NETO1: variants seen among roughly 807,000 people sequenced by gnomAD.
The protein encoded by NETO1 is neuropilin and tolloid-like protein 1.
Under a neutral mutation model 61.3 loss-of-function variants are expected in NETO1, and 26 were observed. The ratio of observed to expected loss-of-function variants is 0.42; its 90% CI spans 0.31 to 0.59. The LOEUF (loss-of-function observed/expected upper bound fraction) is 0.59, where lower values mean the gene tolerates loss of function less well. Ranked by LOEUF, NETO1 falls within the 20% of genes least tolerant of loss-of-function variation. NETO1 has a pLI of 0.12. For synonymous variants in NETO1, 225 were observed against 225.8 expected, an observed-to-expected ratio of 1.00 and a Z score of 0.03; for missense variants, 531 against 662.8, an observed-to-expected ratio of 0.80 and a Z score of 2.18.
At chr18:72,805,691 A>G (rs1416334037) in intron 4 of NETO1, among the ~76,000 whole-genome samples, 1 of 152,160 alleles carries the variant, frequency 6.6e-6, no homozygotes, top group Non-Finnish European at 1.5e-5. Context: ...GTCACATTCT[A>G]TTTGAATTCA....
At chr18:72,847,744 A>C (rs1361705419) in intron 4 of NETO1, among the ~76,000 whole-genome samples, 1 of 152,234 alleles carries the variant, frequency 6.6e-6, no homozygotes, top group Admixed American at 6.5e-5. Context: ...TTTGGAACGA[A>C]GGTATTTTCA....
intron 4 of NETO1, among the ~76,000 whole-genome samples, chr18:72,841,419 G>A (rs1314317376): frequency 3.7e-4 from 4 of 10,826 alleles, no homozygotes; most frequent in Non-Finnish European, 6.0e-4. Flanking sequence ...ACGAGCAATT[G>A]GCAGAGAAAT....
intron 6 of NETO1, among the ~76,000 whole-genome samples, chr18:72,787,088 C>T (rs2071946506): frequency 1.4e-5 from 2 of 148,078 alleles, no homozygotes. Context: ...CTTTTGTTTA[C>T]TTTTTTGACT....
intron 3 of NETO1, among the ~76,000 whole-genome samples, chr18:72,860,265 T>C (rs779401904): frequency 6.6e-6 from 1 of 152,218 alleles, no homozygotes; most frequent in Non-Finnish European, 1.5e-5. Flanking sequence ...TAAGCCCCTG[T>C]AGACACTTGA....
At chr18:72,808,946 T>C (rs1189850380) in intron 4 of NETO1, among the ~76,000 whole-genome samples, 1 of 152,234 alleles carries the variant, frequency 6.6e-6, no homozygotes, top group Non-Finnish European at 1.5e-5. Context: ...CACGGGTGCA[T>C]GCATGAGGCA....
At chr18:72,772,203 G>C (rs1338548105) in intron 7 of NETO1, among the ~76,000 whole-genome samples, 3 of 152,064 alleles carry the variant, frequency 2.0e-5, no homozygotes, top group Non-Finnish European at 4.4e-5. Flanking sequence ...CAGGTGGAGT[G>C]TTCACTACAG....
intron 6 of NETO1, among the ~76,000 whole-genome samples, chr18:72,786,520 A>G (rs1598993791): frequency 1.3e-5 from 2 of 152,174 alleles, no homozygotes; most frequent in East Asian, 3.9e-4. Flanking sequence ...AAAATTTCCA[A>G]ATACTTTGAT....
At chr18:72,829,834 T>A (rs979589141) in intron 4 of NETO1, among the ~76,000 whole-genome samples, 9 of 152,172 alleles carry the variant, frequency 5.9e-5, no homozygotes, top group African/African-American at 1.9e-4. Flanking sequence ...TGTTCTGTCA[T>A]ATCAGTGCAT....
intron 7 of NETO1, among the ~76,000 whole-genome samples, chr18:72,772,805 C>A (rs534963738): frequency 1.4e-4 from 7 of 50,270 alleles, no homozygotes; most frequent in Non-Finnish European, 2.3e-4. Context: ...CTCTCTCTCT[C>A]TCTCTCTCTC....
At chr18:72,798,751 A>G (rs1018245459) in intron 4 of NETO1, among the ~76,000 whole-genome samples, 4 of 152,328 alleles carry the variant, frequency 2.6e-5, no homozygotes, top group African/African-American at 9.6e-5. Context: ...TAAAGACCCA[A>G]TGATGAGACA....
chr18:72,778,115 G>A (rs1159742531), intron 7 of NETO1, among the ~76,000 whole-genome samples: 1 of 152,184 alleles, frequency 6.6e-6, no homozygotes, highest in Non-Finnish European at 1.5e-5. Flanking sequence ...TTTGAGATAC[G>A]AGGTAGTGGT....
At chr18:72,812,070 T>C (rs1046441228) in intron 4 of NETO1, among the ~76,000 whole-genome samples, 1 of 152,174 alleles carries the variant, frequency 6.6e-6, no homozygotes, top group Non-Finnish European at 1.5e-5. Flanking sequence ...ACATCTTCAT[T>C]GAGGAACAAC....
chr18:72,749,575 T>C (rs2070523240), intron 9 of NETO1, among the ~76,000 whole-genome samples: 1 of 152,130 alleles, frequency 6.6e-6, no homozygotes. Context: ...TATTTTTGTG[T>C]TCCTACCAAA....
At chr18:72,851,986 G>C (rs67268571) in intron 4 of NETO1, among the ~76,000 whole-genome samples, 17,895 of 152,034 alleles carry the variant, frequency 0.12, 1,488 homozygotes, top group African/African-American at 0.23. Context: ...TAAGTAGAAA[G>C]GTTGAAGGAA....
At chr18:72,821,096 T>C (rs1383077626) in intron 4 of NETO1, among the ~76,000 whole-genome samples, 3 of 151,978 alleles carry the variant, frequency 2.0e-5, no homozygotes, top group Non-Finnish European at 4.4e-5. Context: ...ATCTCTTGCC[T>C]GGGAAACAGC....
chr18:72,793,975 T>A, intron 6 of NETO1, 142 bp downstream of exon 6: 1 of 1,022,962 alleles, frequency 9.8e-7, no homozygotes, highest in Non-Finnish European at 1.5e-6. Context: ...ACAAGTTACA[T>A]CTCAAAAACC....
intron 4 of NETO1, among the ~76,000 whole-genome samples, chr18:72,815,687 C>T (rs1325196592): frequency 6.6e-6 from 1 of 152,198 alleles, no homozygotes; most frequent in Admixed American, 6.5e-5. Context: ...ATGAAAACTC[C>T]TGTCCGCTGC....
chr18:72,742,715 A>G (rs917675492), downstream of NETO1: 4 of 152,194 alleles, frequency 2.6e-5, no homozygotes, highest in Admixed American at 2.6e-4. Context: ...AGCTTGATTC[A>G]TCATTGTTTA....
At chr18:72,822,469 G>T (rs1386539383) in intron 4 of NETO1, among the ~76,000 whole-genome samples, 1 of 152,222 alleles carries the variant, frequency 6.6e-6, no homozygotes, top group Non-Finnish European at 1.5e-5. Context: ...TGGGGAGGCG[G>T]AGCAGGGAGC....
Sources: allele counts gnomAD v4.1 joint callset (sites outside exome capture counted in the v4.1 genomes callset), GRCh38; gene constraint gnomAD v4.1.1; transcripts MANE v1.5; gene names NCBI Gene and HGNC (gene_info 2026-07-23, HGNC 2026-07-21).